The following ASB3 variants were observed in gnomAD, a reference collection of about 807,000 sequenced individuals.
The protein encoded by ASB3 is ankyrin repeat and SOCS box containing 3.
Under a neutral mutation model 54.5 loss-of-function variants are expected in ASB3, and 41 were observed. The observed-to-expected ratio is 0.75, with a 90% confidence interval of 0.59 to 0.98. The LOEUF (loss-of-function observed/expected upper bound fraction) is 0.98, where lower values mean the gene tolerates loss of function less well. ASB3 is among the 50% of genes least tolerant of loss of function. The pLI, the probability that ASB3 is intolerant of heterozygous loss-of-function variation, is 0.00. For synonymous variants in ASB3, 266 were observed against 221.2 expected, an observed-to-expected ratio of 1.20 and a Z score of -1.80; for missense variants, 733 against 620.0, an observed-to-expected ratio of 1.18 and a Z score of -1.94.
intron 3 of ASB3, among the ~76,000 whole-genome samples, chr2:53,736,724 G>C (rs1371068154): frequency 1.3e-5 from 2 of 148,892 alleles, no homozygotes; most frequent in African/African-American, 2.5e-5. Context: ...AAATTGAGTA[G>C]GGCACAGTGG....
chr2:53,713,185 A>T (rs1670201518), intron 7 of ASB3, among the ~76,000 whole-genome samples: 2 of 152,194 alleles, frequency 1.3e-5, no homozygotes, highest in African/African-American at 4.8e-5. Flanking sequence ...TGTAAGCTTA[A>T]ACTTGAAACA....
At chr2:53,730,092 C>T (rs1474775607) in intron 3 of ASB3, among the ~76,000 whole-genome samples, 1 of 152,058 alleles carries the variant, frequency 6.6e-6, no homozygotes, top group African/African-American at 2.4e-5. Flanking sequence ...AACGTTCTTA[C>T]TTATGTGAAC....
intron 8 of ASB3, among the ~76,000 whole-genome samples, chr2:53,699,666 A>G (rs1458338372): frequency 6.6e-6 from 1 of 152,192 alleles, no homozygotes; most frequent in Admixed American, 6.5e-5. Flanking sequence ...TCCTCTCGCT[A>G]CTACAATTAC....
chr2:53,676,492 G>A (rs1363423536), intron 9 of ASB3, among the ~76,000 whole-genome samples: 3 of 152,172 alleles, frequency 2.0e-5, no homozygotes, highest in Admixed American at 6.5e-5. Flanking sequence ...CCACATATAC[G>A]ATGGTGGCCC....
At chr2:53,728,671 C>T (rs1221622512) in intron 5 of ASB3, 41 bp downstream of exon 5, 2 of 1,442,060 alleles carry the variant, frequency 1.4e-6, no homozygotes, top group Non-Finnish European at 1.8e-6. Context: ...TAGTTTAAAG[C>T]TCATGATCTT....
intron 1 of ASB3, among the ~76,000 whole-genome samples, chr2:53,766,767 G>A (rs1260515909): frequency 6.6e-6 from 1 of 152,034 alleles, no homozygotes; most frequent in Non-Finnish European, 1.5e-5. Context: ...CCACAACTTA[G>A]AGAAAATAGG....
intron 1 of ASB3, chr2:53,774,263 A>G (rs949795149): frequency 1.2e-6 from 2 of 1,614,076 alleles, no homozygotes; most frequent in Non-Finnish European, 1.7e-6. Flanking sequence ...TATCCAAAAG[A>G]TCCCACAACA....
At chr2:53,672,810 G>GT (rs1212372039) in intron 9 of ASB3, among the ~76,000 whole-genome samples, 2 of 152,074 alleles carry the variant, frequency 1.3e-5, no homozygotes, top group South Asian at 4.2e-4. Context: ...ATTTTTACAG[G>GT]TTTTTTTGCT....
intron 9 of ASB3, among the ~76,000 whole-genome samples, chr2:53,676,106 G>A (rs909424150): frequency 6.6e-6 from 1 of 152,128 alleles, no homozygotes; most frequent in African/African-American, 2.4e-5. Flanking sequence ...TGAGCTTAAG[G>A]GTTCTTTTAT....
intron 1 of ASB3, chr2:53,774,541 ATTAAC>A: frequency 6.6e-7 from 1 of 1,504,988 alleles, no homozygotes; most frequent in Non-Finnish European, 8.9e-7. Context: ...TCTTCAGAGA[ATTAAC>A]TTCAGTGCAC....
At chr2:53,688,374 G>C (rs530810682) in intron 9 of ASB3, among the ~76,000 whole-genome samples, 1 of 152,272 alleles carries the variant, frequency 6.6e-6, no homozygotes, top group East Asian at 1.9e-4. Flanking sequence ...CTTTCAAATT[G>C]CTTCAGCAAG....
intron 7 of ASB3, among the ~76,000 whole-genome samples, chr2:53,713,868 G>C (rs1670240124): frequency 6.6e-6 from 1 of 151,798 alleles, no homozygotes; most frequent in Non-Finnish European, 1.5e-5. Flanking sequence ...AGTCAAGATG[G>C]TGCCACTGCA....
At chr2:53,762,087 G>A (rs1364513648) in intron 2 of ASB3, among the ~76,000 whole-genome samples, 3 of 152,162 alleles carry the variant, frequency 2.0e-5, no homozygotes, top group Non-Finnish European at 4.4e-5. Context: ...GATGCAGAAG[G>A]AGCAATGGCA....
chr2:53,766,168 A>C (rs762000196), intron 1 of ASB3, among the ~76,000 whole-genome samples: 8 of 152,212 alleles, frequency 5.3e-5, no homozygotes, highest in East Asian at 1.9e-4. Flanking sequence ...GCTTGACCAA[A>C]TAGACCCACT....
intron 2 of ASB3, among the ~76,000 whole-genome samples, chr2:53,755,559 C>A (rs893427458): frequency 6.6e-6 from 1 of 152,148 alleles, no homozygotes; most frequent in African/African-American, 2.4e-5. Context: ...AAGATTATAT[C>A]GCCACACCAT....
intron 9 of ASB3, among the ~76,000 whole-genome samples, chr2:53,677,989 G>C (rs371473632): frequency 2.5e-3 from 376 of 152,040 alleles, no homozygotes; most frequent in African/African-American, 8.6e-3. Context: ...GCTCTTTTTA[G>C]CTTTTTAAAA....
intron 5 of ASB3, among the ~76,000 whole-genome samples, chr2:53,723,073 C>T (rs1572908559): frequency 6.6e-6 from 1 of 152,056 alleles, no homozygotes; most frequent in East Asian, 1.9e-4. Context: ...AAATCAAGAA[C>T]ACAACTCCAT....
At chr2:53,711,423 A>G (rs182817567) in intron 7 of ASB3, among the ~76,000 whole-genome samples, 1 of 152,306 alleles carries the variant, frequency 6.6e-6, no homozygotes, top group Non-Finnish European at 1.5e-5. Context: ...ACTGACTGAT[A>G]TTAGCTGCTG....
chr2:53,688,871 C>T (rs868265568), intron 9 of ASB3, among the ~76,000 whole-genome samples: 9 of 151,688 alleles, frequency 5.9e-5, no homozygotes, highest in Admixed American at 2.0e-4. Flanking sequence ...CACCAGAGCA[C>T]GTGTATACCT....
Sources: gnomAD v4.1 joint callset for allele counts (sites outside exome capture counted in the v4.1 genomes callset) on GRCh38, gnomAD v4.1.1 for gene constraint, MANE v1.5 for transcripts, NCBI Gene and HGNC (gene_info 2026-07-23, HGNC 2026-07-21) for gene names.